The following SLC29A4 variants were observed in gnomAD, a reference collection of about 807,000 sequenced individuals.
SLC29A4 encodes the protein solute carrier family 29 member 4.
In SLC29A4, 36 loss-of-function variants were observed where a neutral mutation model predicts 43.9. That is an observed-to-expected ratio of 0.82 (90% confidence interval 0.63 to 1.08). SLC29A4 has a LOEUF of 1.08. Ranked by LOEUF, SLC29A4 falls within the 50% of genes least tolerant of loss-of-function variation. The probability of loss-of-function intolerance (pLI) is 0.00; values close to 1 mark genes in which losing one functional copy is unlikely to be tolerated. For synonymous variants in SLC29A4, 491 were observed against 338.0 expected (o/e 1.45, Z -4.97); for missense variants, 869 against 755.3 (o/e 1.15, Z -1.77).
At position 5,304,273 on chromosome 7, in the gene SLC29A4, T is replaced by C. The variant is rs1042820929; in HGVS notation, c.*1334T>C. 2 of 152,166 alleles carry C rather than the reference T, an allele frequency of 1.3e-5. No homozygotes were observed. Among genetic ancestry groups the C allele is most frequent in the African/African-American group, 4.8e-5 (2 of 41,324 alleles). 9.4% of individuals were successfully genotyped at this position (152,166 alleles called of 1,614,324 possible). On this transcript the variant is annotated 3_prime_UTR_variant, in exon 11 of 11. Transcript: ENST00000396872. ...TAGTGGGGTGAGAGCTGGGAGCACT[T>C]AGGGTTTGTCGCTCACCTTGACCGC...
chr7:5,284,812 C>T (rs1015480268), intron 1 of SLC29A4, among the ~76,000 whole-genome samples: 1 of 152,198 alleles, frequency 6.6e-6, no homozygotes, highest in Non-Finnish European at 1.5e-5. Flanking sequence ...CCAGAGGGGA[C>T]AGCAGCCGCC....
intron 1 of SLC29A4, 62 bp from the exon 2 acceptor site, chr7:5,287,747 C>G: frequency 6.5e-7 from 1 of 1,528,654 alleles, no homozygotes; most frequent in Non-Finnish European, 8.9e-7. Flanking sequence ...TGGGTCAGTG[C>G]ATGAGCCATG....
intron 2 of SLC29A4, among the ~76,000 whole-genome samples, chr7:5,288,196 C>G (rs1339854620): frequency 6.6e-6 from 1 of 152,070 alleles, no homozygotes; most frequent in Non-Finnish European, 1.5e-5. Context: ...GCTGGGGGCC[C>G]TGCCGACAGC....
chr7:5,299,715 G>A (rs1785996910), intron 9 of SLC29A4, among the ~76,000 whole-genome samples: 1 of 152,238 alleles, frequency 6.6e-6, no homozygotes, highest in Non-Finnish European at 1.5e-5. Flanking sequence ...ACAGGAGGAT[G>A]CCCCAGAGGG....
intron 2 of SLC29A4, among the ~76,000 whole-genome samples, chr7:5,289,133 A>G (rs1268889833): frequency 1.3e-5 from 2 of 152,204 alleles, no homozygotes; most frequent in Admixed American, 1.3e-4. Context: ...ACGGTGGCTC[A>G]TGCCTATAAT....
chr7:5,297,334 C>T lies in SLC29A4; in HGVS notation c.882+136C>T, dbSNP rs1038257263. 12 of 1,021,612 alleles carry T rather than the reference C, an allele frequency of 1.2e-5. No individual in the cohort carries two copies. The South Asian group carries it at 1.4e-4, about 12-fold the overall frequency. 63.3% of individuals were successfully genotyped at this position (1,021,612 alleles called of 1,614,324 possible). A position where few individuals can be genotyped will look rare whatever the true frequency, so the allele number is the denominator to read the frequency against. On this transcript the variant is annotated intron_variant, in intron 7 of 10. Transcript: ENST00000396872. The stretch of plus-strand genomic sequence containing the variant: ...TCTCCTCCTGTGGTGGAGACTCCTT[C>T]CTGCCAGCCTCCTTTATTCTGTGTA...
intron 5 of SLC29A4, among the ~76,000 whole-genome samples, 162 bp downstream of exon 5, chr7:5,291,983 C>T (rs1219293169): frequency 2.0e-5 from 3 of 152,226 alleles, no homozygotes; most frequent in African/African-American, 7.2e-5. Flanking sequence ...CCGGCTCACA[C>T]CCACAGGAGC....
At chr7:5,300,178 G>C (rs374240442) in intron 9 of SLC29A4, among the ~76,000 whole-genome samples, 1 of 152,314 alleles carries the variant, frequency 6.6e-6, no homozygotes, top group East Asian at 1.9e-4. Context: ...GCTGCAGTGA[G>C]CCACCATCGT....
chr7:5,298,297 T>C (rs1311534811), intron 7 of SLC29A4, among the ~76,000 whole-genome samples: 1 of 152,062 alleles, frequency 6.6e-6, no homozygotes, highest in Non-Finnish European at 1.5e-5. Flanking sequence ...TGAGGGGCTT[T>C]TGGGCTAAGA....
intron 10 of SLC29A4, among the ~76,000 whole-genome samples, chr7:5,301,779 C>T (rs1162635192): frequency 6.6e-6 from 1 of 152,016 alleles, no homozygotes; most frequent in African/African-American, 2.4e-5. Flanking sequence ...AAGGGGGCTC[C>T]AGGTTTGGGG....
Position 5,303,145 on chromosome 7 carries a change from C to T in SLC29A4, c.*206C>T, listed in dbSNP as rs531795029. 7.9e-6 allele frequency: 5 copies of T among 634,082 alleles called. No homozygotes were observed. The Admixed American group carries it at 1.5e-4, about 19-fold the overall frequency. 39.3% of individuals were successfully genotyped at this position (634,082 alleles called of 1,614,324 possible). A position where few individuals can be genotyped will look rare whatever the true frequency, so the allele number is the denominator to read the frequency against. ...CGAGGACCGGAACACGTTTCTGCGA[C>T]CCGGGGCTCTGGCCAGCACTGTGTT... On this transcript the variant is annotated 3_prime_UTR_variant, in exon 11 of 11. Transcript: ENST00000396872.
chr7:5,291,653 T>C (rs1241274118), intron 4 of SLC29A4, 40 bp from the exon 5 acceptor site: 4 of 1,550,862 alleles, frequency 2.6e-6, no homozygotes, highest in Admixed American at 1.8e-5. Context: ...CCCCACCCAG[T>C]TGGCTCCACC....
intron 3 of SLC29A4, 53 bp from the exon 4 acceptor site, chr7:5,291,071 C>A: frequency 1.3e-6 from 2 of 1,591,676 alleles, no homozygotes; most frequent in South Asian, 2.2e-5. Flanking sequence ...TGGCAGGAGT[C>A]AGTGCAGGGG....
chr7:5,295,041 C>G (rs1399896165), intron 6 of SLC29A4, 107 bp downstream of exon 6: 5 of 1,020,634 alleles, frequency 4.9e-6, no homozygotes, highest in South Asian at 1.6e-5. Flanking sequence ...GAGGGAGGCT[C>G]ACAATCCCTG....
rs761826262 is a variant in SLC29A4 at position 5,287,978 on chromosome 7, G to A, written c.162G>A (p.Thr54=). 73 of 1,608,422 alleles carry A rather than the reference G, an allele frequency of 4.5e-5. No individual in the cohort carries two copies. Among genetic ancestry groups the A allele is most frequent in the African/African-American group, 1.2e-4 (9 of 74,660 alleles). The stretch of plus-strand genomic sequence containing the variant: ...GGGCCAGGGGCGTCCCAGCTTTCAC[G>A]GATACTAGTAAGTAGGCGTGCGGGC... ...GLRARGVPAF[T]DTTLDEPVPD... The change falls in exon 2 of 11, where the codon ACG becomes ACA. Residue 54 remains threonine, a synonymous_variant. Coordinates refer to ENST00000396872, the MANE Select transcript of SLC29A4 (RefSeq NM_153247.4).
intron 5 of SLC29A4, among the ~76,000 whole-genome samples, chr7:5,294,203 A>C (rs1468869683): frequency 6.6e-6 from 1 of 152,140 alleles, no homozygotes; most frequent in Non-Finnish European, 1.5e-5. Flanking sequence ...AGCCTCTCAA[A>C]GCACTGGGAT....
chr7:5,302,118 T>C (rs955252467), intron 10 of SLC29A4, among the ~76,000 whole-genome samples: 2 of 151,962 alleles, frequency 1.3e-5, no homozygotes, highest in Non-Finnish European at 2.9e-5. Flanking sequence ...ACCTGGCGAA[T>C]GTTTGTATTT....
intron 2 of SLC29A4, among the ~76,000 whole-genome samples, chr7:5,288,728 G>C (rs981518839): frequency 1.6e-4 from 25 of 152,146 alleles, no homozygotes; most frequent in Non-Finnish European, 3.2e-4. Flanking sequence ...AAAGACCTGG[G>C]TTTTCAGCCC....
Position 5,283,292 on chromosome 7 carries a change from C to A in SLC29A4, c.-9+210C>A, listed in dbSNP as rs1164050910. Among the ~76,000 whole-genome samples, 20 of 151,886 alleles carry A rather than the reference C, an allele frequency of 1.3e-4. No homozygotes were observed. In the South Asian group the frequency reaches 4.1e-3, roughly 31 times the overall value. ...GCCCGGCGACAAGCGCGGACCCGGA[C>A]CCCTGGGCCCTCGCCATGGAGGGGG... On this transcript the variant is annotated intron_variant, in intron 1 of 10. Transcript: ENST00000396872.
Sources: allele counts gnomAD v4.1 joint callset (sites outside exome capture counted in the v4.1 genomes callset), GRCh38; gene constraint gnomAD v4.1.1; transcripts MANE v1.5; gene names NCBI Gene and HGNC (gene_info 2026-07-23, HGNC 2026-07-21).